The following SLMAP variants were observed in gnomAD, a reference collection of about 807,000 sequenced individuals.
The protein encoded by SLMAP is sarcolemmal membrane-associated protein.
Under a neutral mutation model 128.8 loss-of-function variants are expected in SLMAP, and 44 were observed. That is an observed-to-expected ratio of 0.34 (90% CI 0.27 to 0.44). The LOEUF (loss-of-function observed/expected upper bound fraction) is 0.44, where lower values mean the gene tolerates loss of function less well. Among genes scored for constraint, SLMAP ranks in the 20% least tolerant of loss-of-function variants. The probability of loss-of-function intolerance (pLI) is 1.00; values close to 1 mark genes in which losing one functional copy is unlikely to be tolerated. For synonymous variants in SLMAP, 327 were observed against 348.8 expected (o/e 0.94, Z 0.70); for missense variants, 787 against 985.3 (o/e 0.80, Z 2.69).
chr3:57,811,716 G>A (rs866063886), intron 2 of SLMAP, among the ~76,000 whole-genome samples: 1 of 152,100 alleles, frequency 6.6e-6, no homozygotes, highest in Non-Finnish European at 1.5e-5. Context: ...GTGCATAAGG[G>A]TTCCAATTTC....
chr3:57,767,964 C>G (rs1031156405), intron 2 of SLMAP, among the ~76,000 whole-genome samples: 1 of 152,168 alleles, frequency 6.6e-6, no homozygotes, highest in Non-Finnish European at 1.5e-5. Flanking sequence ...TTCTCTGAGT[C>G]AGCTAACATT....
chr3:57,840,476 T>A (rs1350632139), intron 3 of SLMAP, among the ~76,000 whole-genome samples: 1 of 152,188 alleles, frequency 6.6e-6, no homozygotes, highest in Non-Finnish European at 1.5e-5. Context: ...ATACAGTATT[T>A]GAAGAATAAA....
At chr3:57,758,394 A>C (rs905230360) in intron 2 of SLMAP, among the ~76,000 whole-genome samples, 5 of 152,238 alleles carry the variant, frequency 3.3e-5, no homozygotes, top group Non-Finnish European at 7.3e-5. Flanking sequence ...AATTTGCAAT[A>C]ATCAAAGCTA....
intron 4 of SLMAP, among the ~76,000 whole-genome samples, chr3:57,843,726 C>T (rs1481171149): frequency 7.1e-6 from 1 of 141,190 alleles, no homozygotes; most frequent in African/African-American, 2.6e-5. Flanking sequence ...CTTTCTTTTT[C>T]TTTCTTTCTT....
At chr3:57,810,828 C>G (rs1374055314) in intron 2 of SLMAP, among the ~76,000 whole-genome samples, 1 of 152,168 alleles carries the variant, frequency 6.6e-6, no homozygotes, top group Non-Finnish European at 1.5e-5. Context: ...TCTTTTCATA[C>G]CTTACTGGCC....
rs1425774021 is a variant in SLMAP at position 57,928,599 on chromosome 3, T to C, written c.*1310T>C. 6.6e-6 allele frequency: 1 copy of C among 152,190 alleles called. No homozygotes were observed. The highest frequency in any genetic ancestry group is 2.4e-5 in the African/African-American group (1 of 41,452). The allele number at this position is 152,190 out of a possible 1,614,324, so 9.4% of individuals were successfully genotyped here. ...TTAGCCATGGTTTTGTGCGGCATCA[T>C]AGTTATGTCAATAAAGTTTATTTAG... On this transcript the variant is annotated 3_prime_UTR_variant, in exon 25 of 25. Transcript: ENST00000671191.
At chr3:57,769,296 C>T (rs891266466) in intron 2 of SLMAP, among the ~76,000 whole-genome samples, 8 of 151,960 alleles carry the variant, frequency 5.3e-5, no homozygotes, top group African/African-American at 1.5e-4. Flanking sequence ...GGGTTCACGC[C>T]ATTCTCCTGC....
chr3:57,840,410 T>G (rs534399060), intron 3 of SLMAP, among the ~76,000 whole-genome samples: 1 of 152,350 alleles, frequency 6.6e-6, no homozygotes, highest in African/African-American at 2.4e-5. Context: ...CAGCCTGCAT[T>G]AGTTTTTAAT....
chr3:57,907,782 G>T, intron 17 of SLMAP, 102 bp from the exon 18 acceptor site: 1 of 1,101,006 alleles, frequency 9.1e-7, no homozygotes, highest in Non-Finnish European at 1.3e-6. Context: ...GTTGTTCTAT[G>T]TTGTTTATGC....
chr3:57,874,088 A>C (rs574654116), intron 14 of SLMAP, among the ~76,000 whole-genome samples: 1 of 152,130 alleles, frequency 6.6e-6, no homozygotes, highest in Non-Finnish European at 1.5e-5. Context: ...GCACCACTGC[A>C]CTCCGGCCTG....
intron 14 of SLMAP, among the ~76,000 whole-genome samples, chr3:57,887,037 A>G (rs574813392): frequency 1.2e-4 from 19 of 152,186 alleles, no homozygotes; most frequent in South Asian, 4.2e-4. Context: ...AGCATTGTTC[A>G]TATAGTTGTT....
At chr3:57,776,954 AGTAACT>A (rs2082071342) in intron 2 of SLMAP, among the ~76,000 whole-genome samples, 1 of 152,114 alleles carries the variant, frequency 6.6e-6, no homozygotes, top group Non-Finnish European at 1.5e-5. Flanking sequence ...TCTCCTTAAA[AGTAACT>A]GTAATAGACT....
intron 17 of SLMAP, 137 bp downstream of exon 17, chr3:57,897,069 T>C: frequency 7.0e-7 from 1 of 1,419,782 alleles, no homozygotes; most frequent in South Asian, 1.7e-5. Flanking sequence ...TAGCAGGGAC[T>C]AAAAATTTAA....
chr3:57,860,143 A>G (rs1252320029), intron 8 of SLMAP, among the ~76,000 whole-genome samples: 1 of 152,118 alleles, frequency 6.6e-6, no homozygotes, highest in Non-Finnish European at 1.5e-5. Flanking sequence ...CGGCCTCCCA[A>G]AGTGCCACGG....
In SLMAP at chr3:57,864,712, A is replaced by C. The variant is rs758864429; in HGVS notation, c.1131A>C (p.Leu377Phe). 3.9e-5 allele frequency: 62 copies of C among 1,590,812 alleles called. No individual in the cohort carries two copies. Among genetic ancestry groups the C allele is most frequent in the Non-Finnish European group, 5.3e-5 (62 of 1,173,274 alleles). The change falls in exon 11 of 25, where the codon TTA becomes TTC. Residue 377 changes from leucine to phenylalanine, a missense_variant. Around this residue, in one of 2 missense-constraint regions of SLMAP, gnomAD observed 715 missense variants for 843.6 expected, o/e 0.85. Coordinates refer to ENST00000671191, the MANE Select transcript of SLMAP (RefSeq NM_001377540.1). Reference protein sequence around the residue: ...NDFTNERLTALQVRLEHLQEK... With the variant: ...NDFTNERLTAFQVRLEHLQEK... Reference sequence around the variant, plus strand: ...TCACCAATGAAAGGCTAACAGCTTTACAAGGTAAGTAGCTAATCCAGAAAT... The same window carrying C: ...TCACCAATGAAAGGCTAACAGCTTTCCAAGGTAAGTAGCTAATCCAGAAAT...
chr3:57,856,702 A>G (rs1050681784), intron 6 of SLMAP, among the ~76,000 whole-genome samples: 3 of 152,190 alleles, frequency 2.0e-5, no homozygotes, highest in African/African-American at 7.2e-5. Context: ...AATGCACTCT[A>G]TAATTAACAA....
At chr3:57,787,283 T>C (rs1220712919) in intron 2 of SLMAP, among the ~76,000 whole-genome samples, 4 of 152,182 alleles carry the variant, frequency 2.6e-5, no homozygotes, top group Non-Finnish European at 5.9e-5. Flanking sequence ...GTTATGAGGT[T>C]CAATAATAAG....
At chr3:57,897,303 G>A (rs1259995225) in intron 17 of SLMAP, 5 of 299,490 alleles carry the variant, frequency 1.7e-5, no homozygotes, top group Admixed American at 5.2e-5. Flanking sequence ...GTTATCATAT[G>A]GTAGCAGTTG....
At chr3:57,775,326 G>T (rs533369622) in intron 2 of SLMAP, among the ~76,000 whole-genome samples, 1 of 152,060 alleles carries the variant, frequency 6.6e-6, no homozygotes, top group East Asian at 1.9e-4. Flanking sequence ...ACAGGCGTGG[G>T]CCACCGCGCC....
Sources: gnomAD v4.1 joint callset for allele counts (sites outside exome capture counted in the v4.1 genomes callset) on GRCh38, gnomAD v4.1.1 for gene constraint, gnomAD v4.1.1 regional missense constraint, MANE v1.5 for transcripts, NCBI Gene and HGNC (gene_info 2026-07-23, HGNC 2026-07-21) for gene names.